UNC79: variants seen among roughly 807,000 people sequenced by gnomAD.
The protein encoded by UNC79 is protein unc-79 homolog.
Under a neutral mutation model 283.1 loss-of-function variants are expected in UNC79, and 37 were observed. The ratio of observed to expected loss-of-function variants is 0.13; its 90% CI spans 0.10 to 0.17. The LOEUF is 0.17. UNC79 is among the 10% of genes least tolerant of loss of function. The pLI is 1.00. For synonymous variants in UNC79, 1,107 were observed against 1,200.2 expected, an observed-to-expected ratio of 0.92 and a Z score of 1.61; for missense variants, 2,272 against 3,211.1, an observed-to-expected ratio of 0.71 and a Z score of 7.07.
In UNC79 at chr14:93,467,651, T is replaced by TTTTTTTTTTTTTTTTTTTTTTA. The variant is rs2057277153; in HGVS notation, c.23-13_23-12insTTTTTTTTTTTTTTATTTTTTT. 1 of 1,063,106 alleles carries TTTTTTTTTTTTTTTTTTTTTTA rather than the reference T, an allele frequency of 9.4e-7. No homozygotes were observed. The allele number at this position is 1,063,106 out of a possible 1,614,324, so 65.9% of individuals were successfully genotyped here. On this transcript the variant is annotated intron_variant, in intron 1 of 48. Transcript: ENST00000555664. ...TCCTTTTTTTTTTTTTTTTTTTTTTTTTTTTTTGCTTTTATCTAGTTGCTT... is the reference window on the plus strand; with the variant it reads ...TCCTTTTTTTTTTTTTTTTTTTTTTTTTTTTTTTTTTTTTTTTTTTTATTTTTTTGCTTTTATCTAGTTGCTT...
chr14:93,701,121 T>C (rs1245136130), intron 47 of UNC79, among the ~76,000 whole-genome samples: 1 of 152,220 alleles, frequency 6.6e-6, no homozygotes, highest in African/African-American at 2.4e-5. Context: ...AGGCTCCACC[T>C]GCATTCCTGC....
At chr14:93,404,655 AAGG>A (rs2055190644) in intron 1 of UNC79, among the ~76,000 whole-genome samples, 1 of 149,614 alleles carries the variant, frequency 6.7e-6, no homozygotes, top group Admixed American at 6.7e-5. Flanking sequence ...GATGGGAGAA[AAGG>A]AGAAAAAAGG....
At chr14:93,680,738 A>G (rs1471028238) in intron 41 of UNC79, among the ~76,000 whole-genome samples, 1 of 152,112 alleles carries the variant, frequency 6.6e-6, no homozygotes, top group East Asian at 1.9e-4. Context: ...GGTTACAGGC[A>G]TGTGCCACCA....
intron 1 of UNC79, among the ~76,000 whole-genome samples, chr14:93,356,808 A>G (rs1414821278): frequency 6.6e-6 from 1 of 152,212 alleles, no homozygotes; most frequent in African/African-American, 2.4e-5. Context: ...CTCTTTATAT[A>G]AGGTGAATGG....
At chr14:93,333,446 C>A (rs2053500449) in exon 1 of UNC79, 1 of 398,508 alleles carries the variant, frequency 2.5e-6, no homozygotes, top group African/African-American at 2.1e-5. Context: ...TTCTCGAGAA[C>A]AACTCTTCCG....
intron 26 of UNC79, among the ~76,000 whole-genome samples, chr14:93,606,577 A>G (rs2065903095): frequency 6.6e-6 from 1 of 152,216 alleles, no homozygotes; most frequent in African/African-American, 2.4e-5. Context: ...TAACGAACAT[A>G]CTTTTTTTGG....
chr14:93,422,893 T>C (rs2055629511), intron 1 of UNC79, among the ~76,000 whole-genome samples: 1 of 151,248 alleles, frequency 6.6e-6, no homozygotes, highest in Admixed American at 6.6e-5. Context: ...ACCCTGTCTC[T>C]ACTAAAAAAA....
chr14:93,484,429 C>T (rs1041920619), intron 4 of UNC79, among the ~76,000 whole-genome samples: 2 of 152,128 alleles, frequency 1.3e-5, no homozygotes, highest in South Asian at 4.1e-4. Context: ...TATATAACTC[C>T]TCTTTTGGAT....
At chr14:93,506,591 C>G (rs1951719) in intron 7 of UNC79, among the ~76,000 whole-genome samples, 83,450 of 151,868 alleles carry the variant, frequency 0.55, 23,203 homozygotes, top group Admixed American at 0.64. Context: ...TAAAAGTTTT[C>G]TCTTTATTTT....
intron 1 of UNC79, among the ~76,000 whole-genome samples, chr14:93,362,307 A>G (rs2054243978): frequency 6.6e-6 from 1 of 152,008 alleles, no homozygotes; most frequent in South Asian, 2.1e-4. Flanking sequence ...CTATGAATCC[A>G]TCTGGTCCAG....
chr14:93,539,696 CTGA>C lies in UNC79; in HGVS notation c.1353-955_1353-953del, dbSNP rs1220997091. ...AAAGAAATAAAAACACTCAGCCATA[CTGA>C]TGATGATGTTATCACCATCATCATC... On this transcript the variant is annotated intron_variant, in intron 12 of 48. Transcript: ENST00000555664. Among the ~76,000 whole-genome samples, 4 of 152,144 alleles carry C rather than the reference CTGA, an allele frequency of 2.6e-5. No individual in the cohort carries two copies. The East Asian group carries it at 7.7e-4, about 29-fold the overall frequency.
intron 47 of UNC79, among the ~76,000 whole-genome samples, chr14:93,695,175 C>A (rs1192477277): frequency 6.6e-6 from 1 of 152,208 alleles, no homozygotes; most frequent in East Asian, 1.9e-4. Context: ...CCTTGTATCT[C>A]TTCTTGTATT....
At chr14:93,349,239 A>G (rs1201626309) in intron 1 of UNC79, among the ~76,000 whole-genome samples, 5 of 152,226 alleles carry the variant, frequency 3.3e-5, no homozygotes, top group South Asian at 2.1e-4. Flanking sequence ...TCCGGACACA[A>G]TAAGTGATTA....
At chr14:93,354,007 G>A (rs2054030863) in intron 1 of UNC79, among the ~76,000 whole-genome samples, 1 of 152,172 alleles carries the variant, frequency 6.6e-6, no homozygotes, top group African/African-American at 2.4e-5. Flanking sequence ...TGGGGGAGGA[G>A]GGAGTCACAG....
intron 41 of UNC79, 104 bp from the exon 45 acceptor site, chr14:93,682,513 T>C: frequency 2.0e-6 from 2 of 1,009,130 alleles, no homozygotes; most frequent in East Asian, 5.2e-5. Flanking sequence ...CAGATCGTCA[T>C]GAAAATAAAC....
chr14:93,348,744 G>A (rs2139905779), intron 1 of UNC79, among the ~76,000 whole-genome samples: 1 of 152,292 alleles, frequency 6.6e-6, no homozygotes, highest in South Asian at 2.1e-4. Context: ...CTTAGCTGTT[G>A]ATGATGCTGT....
intron 1 of UNC79, among the ~76,000 whole-genome samples, chr14:93,333,833 T>C (rs971739043): frequency 7.2e-5 from 11 of 152,152 alleles, no homozygotes; most frequent in East Asian, 3.8e-4. Context: ...TTTGTGGTAG[T>C]CAGGATAGGT....
intron 3 of UNC79, among the ~76,000 whole-genome samples, chr14:93,475,396 C>T (rs926590663): frequency 6.6e-6 from 1 of 152,020 alleles, no homozygotes; most frequent in Non-Finnish European, 1.5e-5. Flanking sequence ...TTATTTAGTA[C>T]AACGTGTTCA....
chr14:93,633,483 G>A (rs1283354503), intron 31 of UNC79, among the ~76,000 whole-genome samples: 2 of 152,148 alleles, frequency 1.3e-5, no homozygotes, highest in Non-Finnish European at 2.9e-5. Context: ...GGGGCCATGC[G>A]GTCATCCCGG....
Sources: gnomAD v4.1 joint callset for allele counts (sites outside exome capture counted in the v4.1 genomes callset) on GRCh38, gnomAD v4.1.1 for gene constraint, MANE v1.5 for transcripts, NCBI Gene and HGNC (gene_info 2026-07-23, HGNC 2026-07-21) for gene names.